Variants in ZNF646 observed in about 807,000 individuals in gnomAD.
The protein encoded by ZNF646 is zinc finger protein 646.
Under a neutral mutation model 115.4 loss-of-function variants are expected in ZNF646, and 49 were observed. The ratio of observed to expected loss-of-function variants is 0.42; its 90% confidence interval spans 0.34 to 0.54. ZNF646 has a LOEUF of 0.54. Among genes scored for constraint, ZNF646 ranks in the 20% least tolerant of loss-of-function variants. ZNF646 has a pLI of 0.04. For synonymous variants in ZNF646, 933 were observed against 939.0 expected (o/e 0.99, Z 0.12); for missense variants, 2,269 against 2,457.9 (o/e 0.92, Z 1.62).
rs1271997377 is a variant in ZNF646, at chr16:31,076,842, G to A, written c.518G>A (p.Gly173Asp). 1.2e-6 allele frequency: 2 copies of A among 1,614,030 alleles called. No homozygotes were observed. The highest frequency in any genetic ancestry group is 1.3e-5 in the African/African-American group (1 of 74,936). The change falls in exon 2 of 3, where the codon GGC becomes GAC. Residue 173 changes from glycine (G) to aspartate (D), a missense_variant. Transcript: ENST00000300850. ...WEDLPTRQRE[G>D]LASHPGPEDG... ...GATCTGCCCACCAGACAAAGAGAAG[G>A]CTTGGCAAGCCACCCAGGTCCTGAG...
chr16:31,077,449 C>G lies in ZNF646; in HGVS notation c.1125C>G (p.Arg375=), dbSNP rs1170783501. The change falls in exon 2 of 3, where the codon CGC becomes CGG. Residue 375 remains arginine, a synonymous_variant. Coordinates refer to ENST00000300850, the MANE Select transcript of ZNF646 (RefSeq NM_014699.4). ...DSGLEEYRPF[R]CGDCGRTYRH... The stretch of plus-strand genomic sequence containing the variant: ...GCCTGGAGGAATACCGGCCTTTCCG[C>G]TGTGGGGACTGTGGCCGTACTTACC... 3 of 1,613,178 alleles carry G rather than the reference C, an allele frequency of 1.9e-6. No homozygotes were observed. Among genetic ancestry groups the G allele is most frequent in the Non-Finnish European group, 2.5e-6 (3 of 1,179,956 alleles).
Position 31,080,642 on chromosome 16 carries a change from A to G in ZNF646, c.4318A>G (p.Ser1440Gly). The G allele has an allele frequency of 6.2e-7, 1 of 1,614,150 alleles. No individual in the cohort carries two copies. Among genetic ancestry groups the G allele is most frequent in the African/African-American group, 1.3e-5 (1 of 75,068 alleles). Residue 1440 changes from serine to glycine, a missense_variant, in exon 2 of 3, where the codon AGT (serine) becomes GGT (glycine). Ser to Gly is a moderately conservative substitution (Grantham distance 56). Coordinates refer to ENST00000300850, the MANE Select transcript of ZNF646 (RefSeq NM_014699.4). ...TGGAGTCCCAAGGCCAGGGGAGCGC[A>G]GTCAGAGCCCCATCAGGGCAGCAAG... is the stretch of plus-strand genomic sequence containing the variant. The part of the protein sequence containing the change: ...EDGVPRPGER[S>G]QSPIRAASSE...
Position 31,080,839 on chromosome 16 carries a change from C to T in ZNF646, c.4515C>T (p.Leu1505=), listed in dbSNP as rs1311249092. 20 of 1,614,088 alleles carry T rather than the reference C, an allele frequency of 1.2e-5. No individual in the cohort carries two copies. The highest frequency in any genetic ancestry group is 1.7e-5 in the Non-Finnish European group (20 of 1,180,012). Reference sequence around the variant, plus strand: ...CTTGCCACGCTGGTGACTGCCAGCTCAATGGACCTACTCTGAGTCACATGG... The same window carrying T: ...CTTGCCACGCTGGTGACTGCCAGCTTAATGGACCTACTCTGAGTCACATGG... ...RSPCHAGDCQ[L]NGPTLSHMDS... The change falls in exon 2 of 3, where the codon CTC becomes CTT. Residue 1505 remains leucine, a synonymous_variant. Transcript: ENST00000300850.
rs1410780576 is a variant in ZNF646 at position 31,081,569 on chromosome 16, G to A, written c.5245G>A (p.Gly1749Ser). 1 of 1,613,464 alleles carries A rather than the reference G, an allele frequency of 6.2e-7. No homozygotes were observed. Among genetic ancestry groups the A allele is most frequent in the South Asian group, 1.1e-5 (1 of 91,078 alleles). Residue 1749 changes from glycine (G) to serine (S), a missense_variant, in exon 2 of 3, where the codon GGC (glycine) becomes AGC (serine). By Grantham distance (56) the Gly-to-Ser change is moderately conservative. Around this residue, in one of 5 missense-constraint regions of ZNF646, gnomAD observed 1,062 missense variants for 1,172.8 expected, o/e 0.91. Coordinates refer to ENST00000300850, the MANE Select transcript of ZNF646 (RefSeq NM_014699.4). Reference protein sequence around the residue: ...KAFRTAARLEGHGRVHAPREG... With the variant: ...KAFRTAARLESHGRVHAPREG... ...CTTTCGGACAGCTGCCCGGCTGGAG[G>A]GCCACGGGCGGGTCCATGCACCCCG... is the stretch of plus-strand genomic sequence containing the variant.
chr16:31,073,390 A>AC (rs1224944108), upstream of ZNF646: 1 of 151,344 alleles, frequency 6.6e-6, no homozygotes, highest in Non-Finnish European at 1.5e-5. Context: ...GGGCTCTAGG[A>AC]CCCCCGGGAC....
Position 31,083,466 on chromosome 16 carries a change from A to C in ZNF646, c.*374A>C. On this transcript the variant is annotated 3_prime_UTR_variant, in exon 3 of 3. Transcript: ENST00000300850. ...TTTTGTAACAATTTATTTAAGTTTA[A>C]AAAAAGGAAAACTGCTGCCCCCCAA... 7.6e-7 allele frequency: 1 copy of C among 1,314,418 alleles called. No individual in the cohort carries two copies. Among genetic ancestry groups the C allele is most frequent in the Non-Finnish European group, 9.8e-7 (1 of 1,025,128 alleles). The allele number at this position is 1,314,418 out of a possible 1,614,324, so 81.4% of individuals were successfully genotyped here.
rs1014962050 is a variant in ZNF646 at position 31,083,906 on chromosome 16, C to T, written c.*814C>T. 25 of 1,591,206 alleles carry T rather than the reference C, an allele frequency of 1.6e-5. No individual in the cohort carries two copies. The East Asian group carries it at 3.2e-4, about 20-fold the overall frequency. ...TCGAAGGAACAGGGTCTGTCTTGGC[C>T]GCCATGACAGATGAGAATACTGAGG... On this transcript the variant is annotated 3_prime_UTR_variant, in exon 3 of 3. Transcript: ENST00000300850.
intron 2 of ZNF646, chr16:31,082,502 C>T: frequency 5.0e-6 from 1 of 199,062 alleles, no homozygotes; most frequent in South Asian, 1.0e-4. Flanking sequence ...GTCATTAGCC[C>T]GTGTCACATC....
rs771947628 is a variant in ZNF646 at position 31,078,262 on chromosome 16, T to C, written c.1938T>C (p.Cys646=). 3.1e-6 allele frequency: 5 copies of C among 1,613,834 alleles called. No individual in the cohort carries two copies. The highest frequency in any genetic ancestry group is 4.2e-6 in the Non-Finnish European group (5 of 1,179,992). ...CCCACCAGACAGGAGACTTCAGTTG[T>C]GGGGCCTGTGCCAAGCACTTCCACA... ...RQTHQTGDFS[C]GACAKHFHTM... is the part of the protein sequence containing the mutation. Residue 646 remains cysteine (C), a synonymous_variant, in exon 2 of 3, where the codon TGT becomes TGC. Coordinates refer to ENST00000300850, the MANE Select transcript of ZNF646 (RefSeq NM_014699.4).
In ZNF646 at chr16:31,079,650, C is replaced by A; in HGVS notation, c.3326C>A (p.Pro1109His). Residue 1109 changes from proline to histidine, a missense_variant, in exon 2 of 3, where the codon CCC becomes CAC. Pro to His is a moderately conservative substitution (Grantham distance 77). Coordinates refer to ENST00000300850, the MANE Select transcript of ZNF646 (RefSeq NM_014699.4). This position sits in a 1 kb window ranked among gnomAD's most constrained non-coding sequence, Gnocchi z 5.5. ...RNHPRCKGSE[P>H]QVGPIPEAAG... Reference sequence around the variant, plus strand: ...CACCCTCGCTGCAAAGGCTCTGAGCCCCAGGTTGGGCCCATCCCAGAGGCA... The same window carrying A: ...CACCCTCGCTGCAAAGGCTCTGAGCACCAGGTTGGGCCCATCCCAGAGGCA... 2 of 1,613,344 alleles carry A rather than the reference C, an allele frequency of 1.2e-6. No individual in the cohort carries two copies. The highest frequency in any genetic ancestry group is 1.7e-6 in the Non-Finnish European group (2 of 1,179,976).
chr16:31,081,303 G>A lies in ZNF646; in HGVS notation c.4979G>A (p.Arg1660Lys), dbSNP rs759189473. ...RGPGESVERARGGQAVTSMAA... is the reference protein window; with the variant it reads ...RGPGESVERAKGGQAVTSMAA... ...CCAGGAGAGAGTGTGGAGAGAGCCAGGGGAGGACAAGCGGTGACGTCCATG... is the reference window on the plus strand; with the variant it reads ...CCAGGAGAGAGTGTGGAGAGAGCCAAGGGAGGACAAGCGGTGACGTCCATG... The change falls in exon 2 of 3, where the codon AGG (arginine) becomes AAG (lysine). Residue 1660 changes from arginine to lysine, a missense_variant. By Grantham distance (26) the Arg-to-Lys change is conservative. Coordinates refer to ENST00000300850, the MANE Select transcript of ZNF646 (RefSeq NM_014699.4). The A allele has an allele frequency of 2.3e-5, 37 of 1,613,824 alleles. No individual in the cohort carries two copies. The Middle Eastern group carries it at 4.9e-4, about 22-fold the overall frequency.
chr16:31,080,742 A>G lies in ZNF646; in HGVS notation c.4418A>G (p.Asn1473Ser). Residue 1473 changes from asparagine to serine, a missense_variant, in exon 2 of 3, where the codon AAT becomes AGT. Transcript: ENST00000300850. Reference protein sequence around the residue: ...GGWPVGGGLGNHSGGWVPQFL... With the variant: ...GGWPVGGGLGSHSGGWVPQFL... ...TGGCCGGTAGGTGGGGGACTGGGGA[A>G]TCATAGTGGAGGCTGGGTTCCTCAG... 1 of 1,613,652 alleles carries G rather than the reference A, an allele frequency of 6.2e-7. No individual in the cohort carries two copies. Among genetic ancestry groups the G allele is most frequent in the African/African-American group, 1.3e-5 (1 of 75,028 alleles).
Position 31,079,024 on chromosome 16 carries a change from G to A in ZNF646, c.2700G>A (p.Arg900=). The A allele has an allele frequency of 6.3e-7, 1 of 1,587,264 alleles. No homozygotes were observed. The highest frequency in any genetic ancestry group is 8.6e-7 in the Non-Finnish European group (1 of 1,164,510). The change falls in exon 2 of 3, where the codon CGG becomes CGA. Residue 900 remains arginine (R), a synonymous_variant. Transcript: ENST00000300850. The surrounding 1 kb of genome is among the most constrained non-coding windows in gnomAD (Gnocchi z 5.5). ...FPGRAGYRLH[R]RQAHSSSGMT... is the part of the protein sequence containing the mutation. ...GGCGGGCTGGCTACAGGCTTCACCG[G>A]CGCCAGGCCCACAGCTCCTCTGGCA...
rs751817350 is a variant in ZNF646, at chr16:31,080,108, G to A, written c.3784G>A (p.Glu1262Lys). 49 of 1,613,006 alleles carry A rather than the reference G, an allele frequency of 3.0e-5. No individual in the cohort carries two copies. Among genetic ancestry groups the A allele is most frequent in the Non-Finnish European group, 3.9e-5 (46 of 1,179,910 alleles). ...HADPRRFRCS[E>K]CGKAFRLRKQ... Reference sequence around the variant, plus strand: ...AGATCCCCGACGTTTCCGCTGCAGCGAGTGTGGGAAGGCCTTCCGCCTGCG... The same window carrying A: ...AGATCCCCGACGTTTCCGCTGCAGCAAGTGTGGGAAGGCCTTCCGCCTGCG... The change falls in exon 2 of 3, where the codon GAG becomes AAG. Residue 1262 changes from glutamate (E) to lysine (K), a missense_variant. Coordinates refer to ENST00000300850, the MANE Select transcript of ZNF646 (RefSeq NM_014699.4).
rs767087465 is a variant in ZNF646 at position 31,077,994 on chromosome 16, A to C, written c.1670A>C (p.Lys557Thr). 8 of 1,613,988 alleles carry C rather than the reference A, an allele frequency of 5.0e-6. No homozygotes were observed. The highest frequency in any genetic ancestry group is 1.7e-5 in the Admixed American group (1 of 60,000). ...APHTDQDHVCKHEEEATDITP... is the reference protein window; with the variant it reads ...APHTDQDHVCTHEEEATDITP... ...CACACAGATCAGGACCATGTGTGCA[A>C]ACATGAAGAAGAGGCCACGGACATC... The change falls in exon 2 of 3, where the codon AAA (lysine) becomes ACA (threonine). Residue 557 changes from lysine (K) to threonine (T), a missense_variant. By Grantham distance (78) the Lys-to-Thr change is moderately conservative. This residue lies in a region of ZNF646 where 852 missense variants were observed against 900.2 expected (regional missense o/e 0.95). Transcript: ENST00000300850.
Position 31,076,791 on chromosome 16 carries a change from C to G in ZNF646, c.467C>G (p.Pro156Arg), listed in dbSNP as rs1461190155. Residue 156 changes from proline to arginine, a missense_variant, in exon 2 of 3, where the codon CCC becomes CGC. Physicochemically the swap from Pro to Arg is moderately radical, Grantham distance 103 (BLOSUM62 -2). Transcript: ENST00000300850. ...CCTGACTGTGAATCTGTACCTGACC[C>G]CAGGGCAGCTTCGGGTACGTGGGAA... ...ETPDCESVPDPRAASGTWEDL... is the reference protein window; with the variant it reads ...ETPDCESVPDRRAASGTWEDL... 6.2e-7 allele frequency: 1 copy of G among 1,613,974 alleles called. No homozygotes were observed. The highest frequency in any genetic ancestry group is 8.5e-7 in the Non-Finnish European group (1 of 1,180,042).
At chr16:31,074,219 T>C (rs571917015), upstream of ZNF646, 1 of 152,452 alleles carries the variant, frequency 6.6e-6, no homozygotes, top group Non-Finnish European at 1.5e-5. Context: ...CGATTCTAGC[T>C]GCTCTTGCCG....
In ZNF646 at chr16:31,076,941, T is replaced by C. The variant is rs755799939; in HGVS notation, c.617T>C (p.Leu206Pro). ...APPLPIPASS[L>P]LSNLEQYLAE... ...CCTCTCCCCATCCCAGCCAGCAGCC[T>C]TCTTAGCAACTTGGAACAGTATCTG... The change falls in exon 2 of 3, where the codon CTT becomes CCT. Residue 206 changes from leucine (L) to proline (P), a missense_variant. By Grantham distance (98) the Leu-to-Pro change is moderately conservative (BLOSUM62 -3). Coordinates refer to ENST00000300850, the MANE Select transcript of ZNF646 (RefSeq NM_014699.4). 6.2e-7 allele frequency: 1 copy of C among 1,613,924 alleles called. No individual in the cohort carries two copies.
chr16:31,081,865 G>A (rs1045095537), intron 2 of ZNF646, 164 bp downstream of exon 2: 6 of 1,200,970 alleles, frequency 5.0e-6, no homozygotes, highest in Non-Finnish European at 6.9e-6. Flanking sequence ...TTGAGGATGT[G>A]CTGAGCTGAG....
Sources: allele counts gnomAD v4.1 joint callset, GRCh38; gene constraint gnomAD v4.1.1; regional missense constraint gnomAD v4.1.1; non-coding constraint Gnocchi (gnomAD v3.1); transcripts MANE v1.5; gene names NCBI Gene and HGNC (gene_info 2026-07-23, HGNC 2026-07-21).